Variants in SLC14A2 observed in about 807,000 individuals in gnomAD.
SLC14A2 encodes the protein solute carrier family 14 member 2.
SLC14A2 carries 91 observed loss-of-function variants against 104.6 expected under a neutral mutation model. That is an observed-to-expected ratio of 0.87 (90% CI 0.73 to 1.04). SLC14A2 has a LOEUF of 1.04. SLC14A2 is among the 50% of genes least tolerant of loss of function. The probability of loss-of-function intolerance (pLI) is 0.00; values close to 1 mark genes in which losing one functional copy is unlikely to be tolerated. For missense variants in SLC14A2, 1,189 were observed against 1,156.0 expected, an observed-to-expected ratio of 1.03 and a Z score of -0.41; for synonymous variants, 476 against 466.4, an observed-to-expected ratio of 1.02 and a Z score of -0.27.
At chr18:45,470,463 T>C (rs2087226451) in intron 1 of SLC14A2, among the ~76,000 whole-genome samples, 1 of 152,238 alleles carries the variant, frequency 6.6e-6, no homozygotes, top group African/African-American at 2.4e-5. Context: ...CATAGATGTG[T>C]TTGTACTCAG....
chr18:45,283,396 C>T (rs935621975), intron 1 of SLC14A2, among the ~76,000 whole-genome samples: 2 of 135,164 alleles, frequency 1.5e-5, no homozygotes, highest in African/African-American at 3.2e-5. Flanking sequence ...ACTTAATACC[C>T]GCTCTAAGGA....
chr18:45,509,740 C>T (rs961082596), intron 2 of SLC14A2, among the ~76,000 whole-genome samples: 3 of 152,298 alleles, frequency 2.0e-5, no homozygotes, highest in Non-Finnish European at 4.4e-5. Flanking sequence ...GAGGGAGGTT[C>T]CAGGGGCCAA....
At chr18:45,384,142 A>T (rs940828244) in intron 1 of SLC14A2, among the ~76,000 whole-genome samples, 9 of 152,168 alleles carry the variant, frequency 5.9e-5, no homozygotes, top group African/African-American at 2.2e-4. Flanking sequence ...TGTGAAAATG[A>T]GAGAGCTAGG....
intron 1 of SLC14A2, among the ~76,000 whole-genome samples, chr18:45,235,654 T>C (rs116117124): frequency 2.2e-4 from 33 of 151,904 alleles, no homozygotes; most frequent in Middle Eastern, 3.4e-3. Context: ...GTCCCCATTG[T>C]ATGACTGAGA....
intron 1 of SLC14A2, among the ~76,000 whole-genome samples, chr18:45,475,817 CT>C (rs1568228235): frequency 6.6e-6 from 1 of 150,966 alleles, no homozygotes; most frequent in East Asian, 1.9e-4. Flanking sequence ...GCTTTTTTTG[CT>C]TTCCATTTGC....
intron 12 of SLC14A2, 38 bp downstream of exon 12, chr18:45,666,257 A>G (rs753289999): frequency 7.2e-7 from 1 of 1,397,064 alleles, no homozygotes; most frequent in South Asian, 1.2e-5. Context: ...ACAGCGCCCT[A>G]CAGTCACAGA....
chr18:45,680,505 A>G (rs1265974324), intron 19 of SLC14A2, among the ~76,000 whole-genome samples: 1 of 152,246 alleles, frequency 6.6e-6, no homozygotes, highest in Non-Finnish European at 1.5e-5. Flanking sequence ...GGAACAGGAA[A>G]TAAAAATGTT....
intron 1 of SLC14A2, among the ~76,000 whole-genome samples, chr18:45,234,235 C>A (rs1405400346): frequency 6.6e-6 from 1 of 152,116 alleles, no homozygotes; most frequent in East Asian, 1.9e-4. Context: ...AAGATGATTG[C>A]CCTAAGATAT....
intron 11 of SLC14A2, among the ~76,000 whole-genome samples, chr18:45,665,786 T>C (rs1431558994): frequency 7.2e-6 from 1 of 138,762 alleles, no homozygotes; most frequent in Non-Finnish European, 1.5e-5. Flanking sequence ...CACAAGTCAC[T>C]GTCTCTCCAG....
intron 1 of SLC14A2, among the ~76,000 whole-genome samples, chr18:45,475,642 GATATATATATATAT>G (rs137928157): frequency 0.16 from 7,647 of 48,842 alleles, 555 homozygotes; most frequent in South Asian, 0.19. Context: ...ATATATTTAG[GATATATATATATAT>G]ATATATATAT....
At chr18:45,399,198 A>G (rs2086068556) in intron 1 of SLC14A2, among the ~76,000 whole-genome samples, 1 of 152,166 alleles carries the variant, frequency 6.6e-6, no homozygotes, top group Non-Finnish European at 1.5e-5. Context: ...CAGAATTTGA[A>G]CCCAGGCAGT....
At chr18:45,205,466 T>TG in the SLC14A2 span, among the ~76,000 whole-genome samples, 1 of 152,208 alleles carries the variant, frequency 6.6e-6, no homozygotes, top group African/African-American at 2.4e-5. Context: ...CAGACAAAGC[T>TG]GGACATCAGC....
At chr18:45,579,878 AAG>A (rs1387407111) in intron 2 of SLC14A2, among the ~76,000 whole-genome samples, 25 of 152,252 alleles carry the variant, frequency 1.6e-4, no homozygotes, top group Admixed American at 1.6e-3. Flanking sequence ...GTTCAAAAGA[AAG>A]AGAGGGAGTG....
Position 45,646,996 on chromosome 18 carries a change from AG to A in SLC14A2, c.1351+2839del, listed in dbSNP as rs145905297. 10 of 152,288 alleles carry A rather than the reference AG, an allele frequency of 6.6e-5. No individual in the cohort carries two copies. In the East Asian group the frequency reaches 1.9e-3, roughly 29 times the overall value. The allele number at this position is 152,288 out of a possible 1,614,324, so 9.4% of individuals were successfully genotyped here. A position where few individuals can be genotyped will look rare whatever the true frequency, so the allele number is the denominator to read the frequency against. The stretch of plus-strand genomic sequence containing the variant: ...TAAAGATGTGTCAGTTTGGAGAGAA[AG>A]GGACTTTAGAGGAGGCTGTGTCTCA... On this transcript the variant is annotated intron_variant, in intron 10 of 19. Coordinates refer to ENST00000255226, the MANE Select transcript of SLC14A2 (RefSeq NM_007163.4).
intron 1 of SLC14A2, among the ~76,000 whole-genome samples, chr18:45,452,573 A>C (rs1216462128): frequency 2.6e-5 from 4 of 152,236 alleles, no homozygotes; most frequent in Non-Finnish European, 5.9e-5. Context: ...GCCTTTAAAA[A>C]GTCTGACATT....
chr18:45,644,838 C>G (rs1439019902), intron 10 of SLC14A2, among the ~76,000 whole-genome samples: 1 of 152,080 alleles, frequency 6.6e-6, no homozygotes, highest in African/African-American at 2.4e-5. Context: ...TAGGTCAAAC[C>G]AGCATCTCTT....
At chr18:45,360,854 G>A (rs1158664468) in intron 1 of SLC14A2, among the ~76,000 whole-genome samples, 1 of 152,122 alleles carries the variant, frequency 6.6e-6, no homozygotes, top group East Asian at 1.9e-4. Context: ...AAGAAGAAGG[G>A]GAGATTTTGT....
chr18:45,278,057 C>T (rs951171181), intron 1 of SLC14A2, among the ~76,000 whole-genome samples: 1 of 152,172 alleles, frequency 6.6e-6, no homozygotes, highest in African/African-American at 2.4e-5. Context: ...GTTCCCCAAA[C>T]ACTCCTAAAT....
chr18:45,350,636 G>A lies in SLC14A2; in HGVS notation c.-124-132597G>A, dbSNP rs113380390. On this transcript the variant is annotated intron_variant, in intron 1 of 20. Transcript: ENST00000586448. ...TGGCTTCTCGGGATGCGGTAATGCC[G>A]CTGACGCACACCACTTTCCTATTAC... Among the ~76,000 whole-genome samples, 667 of 152,180 alleles carry A rather than the reference G, an allele frequency of 4.4e-3. 7 individuals are homozygous for A. The highest frequency in any genetic ancestry group is 0.015 in the African/African-American group (616 of 41,504).
Sources: allele counts gnomAD v4.1 joint callset (sites outside exome capture counted in the v4.1 genomes callset), GRCh38; gene constraint gnomAD v4.1.1; transcripts MANE v1.5; gene names NCBI Gene and HGNC (gene_info 2026-07-23, HGNC 2026-07-21).